The following ATP9B variants were observed in gnomAD, a reference collection of about 807,000 sequenced individuals.
ATP9B encodes probable phospholipid-transporting ATPase IIB.
In ATP9B, 110 loss-of-function variants were observed where a neutral mutation model predicts 146.1. That is an observed-to-expected ratio of 0.75 (90% CI 0.65 to 0.88). The LOEUF is 0.88. Ranked by LOEUF, ATP9B falls within the 40% of genes least tolerant of loss-of-function variation. The pLI, the probability that ATP9B is intolerant of heterozygous loss-of-function variation, is 0.00. For missense variants in ATP9B, 1,499 were observed against 1,496.4 expected (o/e 1.00, Z -0.03); for synonymous variants, 604 against 569.7 (o/e 1.06, Z -0.86).
chr18:79,250,469 A>G (rs1460287632), intron 11 of ATP9B, among the ~76,000 whole-genome samples: 1 of 152,190 alleles, frequency 6.6e-6, no homozygotes, highest in Non-Finnish European at 1.5e-5. Flanking sequence ...GTGAATGAAT[A>G]ATGACTTCAT....
At chr18:79,099,589 T>G (rs576353156) in intron 2 of ATP9B, among the ~76,000 whole-genome samples, 49 of 152,286 alleles carry the variant, frequency 3.2e-4, no homozygotes, top group African/African-American at 1.1e-3. Context: ...CTATGTTGCT[T>G]GATTTCCAAA....
intron 11 of ATP9B, among the ~76,000 whole-genome samples, chr18:79,240,821 A>G (rs979942710): frequency 6.6e-6 from 1 of 152,238 alleles, no homozygotes; most frequent in African/African-American, 2.4e-5. Context: ...CTTCTAAAGC[A>G]TACTAGTGGG....
intron 8 of ATP9B, among the ~76,000 whole-genome samples, chr18:79,188,966 A>G (rs561226420): frequency 1.3e-5 from 2 of 151,708 alleles, no homozygotes; most frequent in South Asian, 4.2e-4. Flanking sequence ...TAGTTACAGT[A>G]TGCCTTTAAC....
In ATP9B at chr18:79,260,209, A is replaced by G. The variant is rs1047845747; in HGVS notation, c.1268+6668A>G. On this transcript the variant is annotated intron_variant, in intron 12 of 29. Coordinates refer to ENST00000426216, the MANE Select transcript of ATP9B (RefSeq NM_198531.5). ...CTAAGGAGGCCCCAGGAAACTTGCA[A>G]TCATGGCGGAAGGGGAAGTAGTCAC... is the stretch of plus-strand genomic sequence containing the variant. 3.9e-5 allele frequency among the ~76,000 whole-genome samples: 6 copies of G among 152,180 alleles called. No individual in the cohort carries two copies. The East Asian group carries it at 1.2e-3, about 29-fold the overall frequency.
At chr18:79,216,363 C>T (rs887207102) in intron 11 of ATP9B, among the ~76,000 whole-genome samples, 12 of 152,190 alleles carry the variant, frequency 7.9e-5, no homozygotes, top group Non-Finnish European at 1.3e-4. Flanking sequence ...CCTTGGTGCA[C>T]ACTCGTGTGT....
At chr18:79,230,335 A>G (rs571640478) in intron 11 of ATP9B, among the ~76,000 whole-genome samples, 1 of 152,312 alleles carries the variant, frequency 6.6e-6, no homozygotes, top group Non-Finnish European at 1.5e-5. Context: ...TCATCCAAAA[A>G]GCTCCTAGAA....
intron 11 of ATP9B, among the ~76,000 whole-genome samples, chr18:79,216,696 T>C (rs1407276788): frequency 1.3e-5 from 2 of 152,190 alleles, no homozygotes; most frequent in African/African-American, 4.8e-5. Context: ...CTCCCTCTTC[T>C]TTTCTTTTCC....
Position 79,213,687 on chromosome 18 carries a change from A to G in ATP9B, c.1031-275A>G, listed in dbSNP as rs1355977018. Among the ~76,000 whole-genome samples, 3 of 152,138 alleles carry G rather than the reference A, an allele frequency of 2.0e-5. No individual in the cohort carries two copies. In the East Asian group the frequency reaches 5.8e-4, roughly 29 times the overall value. On this transcript the variant is annotated intron_variant, in intron 10 of 29. Coordinates refer to ENST00000426216, the MANE Select transcript of ATP9B (RefSeq NM_198531.5). ...ACAGTAGTGAAAGGCCATTGTCATT[A>G]TCTCTATTGTCAGTGAAAAGAATAT...
At chr18:79,242,021 G>A (rs999364334) in intron 11 of ATP9B, among the ~76,000 whole-genome samples, 1 of 152,242 alleles carries the variant, frequency 6.6e-6, no homozygotes, top group Non-Finnish European at 1.5e-5. Flanking sequence ...GTGCAGGAGA[G>A]GGAGCACCGC....
chr18:79,345,014 T>G lies in ATP9B; in HGVS notation c.2473-414T>G, dbSNP rs147051416. 2.3e-3 allele frequency among the ~76,000 whole-genome samples: 351 copies of G among 152,280 alleles called. 1 individual carries two copies. Among genetic ancestry groups the G allele is most frequent in the African/African-American group, 7.6e-3 (315 of 41,554 alleles). ...AATCGTCCTGGACCTCTGTTGTTGC[T>G]AGTGTCCTCAGAGCAAGCACTCCAA... On this transcript the variant is annotated intron_variant, in intron 21 of 29. Transcript: ENST00000426216.
chr18:79,293,149 A>T (rs532784022), intron 13 of ATP9B, among the ~76,000 whole-genome samples: 1 of 151,298 alleles, frequency 6.6e-6, no homozygotes, highest in Non-Finnish European at 1.5e-5. Flanking sequence ...TATCCCATGC[A>T]AAAAATGAAG....
chr18:79,190,978 T>C (rs1330465477), intron 8 of ATP9B, among the ~76,000 whole-genome samples: 1 of 152,216 alleles, frequency 6.6e-6, no homozygotes, highest in African/African-American at 2.4e-5. Flanking sequence ...TGCCTGATAT[T>C]GTTTCCCTCT....
At chr18:79,346,766 TGGTC>T (rs2096891192) in intron 23 of ATP9B, among the ~76,000 whole-genome samples, 3 of 152,148 alleles carry the variant, frequency 2.0e-5, no homozygotes, top group African/African-American at 7.2e-5. Flanking sequence ...ACCGCATGCT[TGGTC>T]GGCACAGTCA....
chr18:79,231,302 AAAAC>A (rs1328214733), intron 11 of ATP9B, among the ~76,000 whole-genome samples: 9 of 152,330 alleles, frequency 5.9e-5, no homozygotes, highest in South Asian at 4.1e-4. Flanking sequence ...TCAAGAAAAA[AAAAC>A]AAACAGTCCC....
chr18:79,096,485 G>A lies in ATP9B; in HGVS notation c.129G>A (p.Leu43=). 6.2e-7 allele frequency: 1 copy of A among 1,613,868 alleles called. No individual in the cohort carries two copies. Among genetic ancestry groups the A allele is most frequent in the South Asian group, 1.1e-5 (1 of 91,046 alleles). ...TTTTTACCCTAACTAGGTACCAGCT[G>A]GAGGATGAGTCTGCGCATTTGGATG... The part of the protein sequence containing the change: ...PGADRHSRYQ[L]EDESAHLDEM... The change falls in exon 2 of 30, where the codon CTG becomes CTA. Residue 43 remains leucine (L), a synonymous_variant. Coordinates refer to ENST00000426216, the MANE Select transcript of ATP9B (RefSeq NM_198531.5).
At chr18:79,348,282 A>T in intron 25 of ATP9B, 86 bp downstream of exon 25, 2 of 1,228,330 alleles carry the variant, frequency 1.6e-6, no homozygotes, top group South Asian at 2.6e-5. Flanking sequence ...AAAAACGTAT[A>T]TAGAAGATTC....
intron 10 of ATP9B, among the ~76,000 whole-genome samples, chr18:79,208,698 A>G (rs974175821): frequency 6.6e-6 from 1 of 152,298 alleles, no homozygotes; most frequent in South Asian, 2.1e-4. Flanking sequence ...TTATTTATAT[A>G]TAAATTACAT....
chr18:79,262,559 G>A (rs1030901674), intron 12 of ATP9B, among the ~76,000 whole-genome samples: 1 of 152,160 alleles, frequency 6.6e-6, no homozygotes, highest in African/African-American at 2.4e-5. Context: ...AAAATTCAGA[G>A]TTCTGAATTT....
intron 12 of ATP9B, among the ~76,000 whole-genome samples, chr18:79,265,553 G>A (rs893231136): frequency 6.6e-6 from 1 of 151,890 alleles, no homozygotes; most frequent in Non-Finnish European, 1.5e-5. Flanking sequence ...TTTTTTTCTT[G>A]TAAATTTGTT....
Sources: gnomAD v4.1 joint callset for allele counts (sites outside exome capture counted in the v4.1 genomes callset) on GRCh38, gnomAD v4.1.1 for gene constraint, MANE v1.5 for transcripts, NCBI Gene and HGNC (gene_info 2026-07-23, HGNC 2026-07-21) for gene names.